Variants in MSI2 observed in about 807,000 individuals in gnomAD.
The protein encoded by MSI2 is musashi RNA binding protein 2.
In MSI2, 17 loss-of-function variants were observed where a neutral mutation model predicts 45.6. The ratio of observed to expected loss-of-function variants is 0.37; its 90% CI spans 0.26 to 0.56. MSI2 has a LOEUF of 0.56. MSI2 is among the 20% of genes least tolerant of loss of function. The pLI, the probability that MSI2 is intolerant of heterozygous loss-of-function variation, is 0.77. For synonymous variants in MSI2, 156 were observed against 158.2 expected (o/e 0.99, Z 0.11); for missense variants, 293 against 444.2 (o/e 0.66, Z 3.06).
At chr17:57,511,040 G>T (rs2091685316) in intron 6 of MSI2, among the ~76,000 whole-genome samples, 1 of 148,186 alleles carries the variant, frequency 6.7e-6, no homozygotes, top group African/African-American at 2.7e-5. Flanking sequence ...AACTCCAGGG[G>T]TATCAGTCAG....
chr17:57,374,994 C>T (rs1436351174), intron 5 of MSI2, among the ~76,000 whole-genome samples: 3 of 152,098 alleles, frequency 2.0e-5, no homozygotes, highest in Non-Finnish European at 2.9e-5. Flanking sequence ...CCATACAGAT[C>T]GAACATCATT....
At chr17:57,288,340 C>T (rs1251833379) in intron 5 of MSI2, among the ~76,000 whole-genome samples, 3 of 151,880 alleles carry the variant, frequency 2.0e-5, no homozygotes, top group Non-Finnish European at 2.9e-5. Flanking sequence ...GTTACCGAAC[C>T]CTACACCATT....
At chr17:57,579,293 C>T (rs752375797) in intron 7 of MSI2, among the ~76,000 whole-genome samples, 5 of 152,182 alleles carry the variant, frequency 3.3e-5, no homozygotes, top group Admixed American at 6.5e-5. Flanking sequence ...GCTATCTGTG[C>T]TCGGTGATTT....
intron 10 of MSI2, among the ~76,000 whole-genome samples, chr17:57,649,624 C>T (rs913736195): frequency 2.6e-5 from 4 of 152,216 alleles, no homozygotes; most frequent in Non-Finnish European, 5.9e-5. Context: ...CTCCCGCAAG[C>T]CCAGCCACCA....
At chr17:57,524,260 A>C (rs1317082386) in intron 6 of MSI2, among the ~76,000 whole-genome samples, 1 of 152,336 alleles carries the variant, frequency 6.6e-6, no homozygotes, top group East Asian at 1.9e-4. Flanking sequence ...TAGCCCTAAC[A>C]AATTAAGCCC....
At chr17:57,425,011 G>A (rs1406189545) in intron 6 of MSI2, among the ~76,000 whole-genome samples, 6 of 152,126 alleles carry the variant, frequency 3.9e-5, no homozygotes, top group East Asian at 3.9e-4. Flanking sequence ...TTAGTCATCC[G>A]GCCCTGCAGG....
chr17:57,646,531 G>A (rs905970193), intron 10 of MSI2, among the ~76,000 whole-genome samples: 4 of 152,236 alleles, frequency 2.6e-5, no homozygotes, highest in Non-Finnish European at 4.4e-5. Context: ...ATGAAGGGAC[G>A]TTAGAGGTCA....
chr17:57,608,785 T>G (rs1283660592), intron 8 of MSI2, among the ~76,000 whole-genome samples: 1 of 152,168 alleles, frequency 6.6e-6, no homozygotes, highest in East Asian at 1.9e-4. Flanking sequence ...CAAGGGCTTG[T>G]TTTGTGTTTA....
rs2086771735 is a variant in MSI2 at position 57,529,303 on chromosome 17, G to GAC, written c.406-373_406-372insAC. 6.6e-6 allele frequency among the ~76,000 whole-genome samples: 1 copy of GAC among 152,042 alleles called. No individual in the cohort carries two copies. Among genetic ancestry groups the GAC allele is most frequent in the South Asian group, 2.1e-4 (1 of 4,808 alleles). The stretch of plus-strand genomic sequence containing the variant: ...TAAAATAAAATAACTGGGCATGATG[G>GAC]TACATGCCTGTAGTCCCAGCTACTC... On this transcript the variant is annotated intron_variant, in intron 6 of 13. Coordinates refer to ENST00000284073, the MANE Select transcript of MSI2 (RefSeq NM_138962.4). The surrounding 1 kb of genome is among the most constrained non-coding windows in gnomAD (Gnocchi z 5.3).
In MSI2 at chr17:57,552,110, T is replaced by C. The variant is rs752262673; in HGVS notation, c.454+22386T>C. On this transcript the variant is annotated intron_variant, in intron 7 of 13. Transcript: ENST00000284073. This position sits in a 1 kb window ranked among gnomAD's most constrained non-coding sequence, Gnocchi z 4.3. ...CAGCTCATGTGACCTTCAGCAGGTC[T>C]CTCCTGCTGCTGCCCCAGGACTGGC... is the stretch of plus-strand genomic sequence containing the variant. Among the ~76,000 whole-genome samples, 2 of 152,140 alleles carry C rather than the reference T, an allele frequency of 1.3e-5. No individual in the cohort carries two copies. The highest frequency in any genetic ancestry group is 2.4e-5 in the African/African-American group (1 of 41,420).
chr17:57,515,870 T>C (rs140346992), intron 6 of MSI2, among the ~76,000 whole-genome samples: 215 of 152,342 alleles, frequency 1.4e-3, no homozygotes, highest in Admixed American at 6.0e-3. Flanking sequence ...TTTCTTGAAA[T>C]CATGAGCCCC....
At chr17:57,285,686 G>A (rs1403082255) in intron 5 of MSI2, among the ~76,000 whole-genome samples, 1 of 152,224 alleles carries the variant, frequency 6.6e-6, no homozygotes, top group Non-Finnish European at 1.5e-5. Flanking sequence ...GGATGGAACT[G>A]AATGTTTAAA....
rs564440544 is a variant in MSI2, at chr17:57,282,835, C to CTTTTTTTT, written c.312+20649_312+20656dup. Reference sequence around the variant, plus strand: ...CTGGGGTTGGGGGGTGGGGGGCAGACTTTTTTTTTTTTTCAGGGAACTCTG... The same window carrying CTTTTTTTT: ...CTGGGGTTGGGGGGTGGGGGGCAGACTTTTTTTTTTTTTTTTTTTTTCAGGGAACTCTG... On this transcript the variant is annotated intron_variant, in intron 5 of 13. Transcript: ENST00000284073. Among the ~76,000 whole-genome samples, 42 of 92,748 alleles carry CTTTTTTTT rather than the reference C, an allele frequency of 4.5e-4. 3 individuals are homozygous for CTTTTTTTT. Among genetic ancestry groups the CTTTTTTTT allele is most frequent in the East Asian group, 9.8e-4 (3 of 3,062 alleles). The allele number at this position is 92,748 out of a possible 152,430, so 60.8% of individuals were successfully genotyped here.
intron 5 of MSI2, among the ~76,000 whole-genome samples, chr17:57,358,316 G>T (rs1653436668): frequency 6.6e-6 from 1 of 151,998 alleles, no homozygotes; most frequent in Non-Finnish European, 1.5e-5. Flanking sequence ...GCTGAAGCTG[G>T]CTCTTCTGAA....
chr17:57,507,415 T>C (rs946192173), intron 6 of MSI2, among the ~76,000 whole-genome samples: 3 of 152,204 alleles, frequency 2.0e-5, no homozygotes, highest in African/African-American at 7.2e-5. Context: ...AGTTTCAAAG[T>C]GTTCACTGTG....
chr17:57,593,289 G>A (rs1377005913), intron 7 of MSI2, among the ~76,000 whole-genome samples: 1 of 152,170 alleles, frequency 6.6e-6, no homozygotes, highest in African/African-American at 2.4e-5. Flanking sequence ...TGTGGCTGCC[G>A]TAACAAATTA....
intron 5 of MSI2, among the ~76,000 whole-genome samples, chr17:57,351,827 C>T (rs976537624): frequency 6.6e-6 from 1 of 152,210 alleles, no homozygotes. Flanking sequence ...TGCACTCCAG[C>T]CTTGACAACA....
intron 11 of MSI2, among the ~76,000 whole-genome samples, chr17:57,659,086 T>TGGTTG: frequency 6.7e-6 from 1 of 149,600 alleles, no homozygotes; most frequent in East Asian, 2.0e-4. Flanking sequence ...GTTGGTTTGT[T>TGGTTG]GTTGTTGTTT....
intron 6 of MSI2, among the ~76,000 whole-genome samples, chr17:57,499,686 A>G (rs989574269): frequency 1.3e-5 from 2 of 152,184 alleles, no homozygotes; most frequent in Non-Finnish European, 2.9e-5. Context: ...GCGGGACTCA[A>G]CTGAGTGGTT....
Sources: gnomAD v4.1 joint callset for allele counts (sites outside exome capture counted in the v4.1 genomes callset) on GRCh38, gnomAD v4.1.1 for gene constraint, Gnocchi (gnomAD v3.1) non-coding constraint, MANE v1.5 for transcripts, NCBI Gene and HGNC (gene_info 2026-07-23, HGNC 2026-07-21) for gene names.